WWP2: variants seen among roughly 807,000 people sequenced by gnomAD.
WWP2 encodes NEDD4-like E3 ubiquitin-protein ligase WWP2.
In WWP2, 57 loss-of-function variants were observed where a neutral mutation model predicts 121.0. That is an observed-to-expected ratio of 0.47 (90% CI 0.38 to 0.59). The LOEUF (loss-of-function observed/expected upper bound fraction) is 0.59. Among genes scored for constraint, WWP2 ranks in the 20% least tolerant of loss-of-function variants. The pLI is 0.00. For missense variants in WWP2, 962 were observed against 1,158.9 expected (o/e 0.83, Z 2.47); for synonymous variants, 449 against 441.3 (o/e 1.02, Z -0.22).
At chr16:69,933,774 A>G (rs1290689811) in intron 16 of WWP2, among the ~76,000 whole-genome samples, 196 bp from the exon 17 acceptor site, 1 of 152,022 alleles carries the variant, frequency 6.6e-6, no homozygotes, top group East Asian at 1.9e-4. Flanking sequence ...GCCCTGGTTC[A>G]CTGTAGGTCT....
chr16:69,939,180 A>AG, intron 22 of WWP2, 57 bp downstream of exon 22: 2 of 1,564,278 alleles, frequency 1.3e-6, no homozygotes, highest in Non-Finnish European at 1.7e-6. Context: ...GCTCAGAGGG[A>AG]GGGGGAAACC....
At chr16:69,788,395 A>G (rs1406155615) in intron 2 of WWP2, among the ~76,000 whole-genome samples, 1 of 152,116 alleles carries the variant, frequency 6.6e-6, no homozygotes, top group Admixed American at 6.6e-5. Context: ...ATTTCACAGT[A>G]GAAGCCGAAG....
Position 69,936,491 on chromosome 16 carries a change from C to T in WWP2, c.2117+39C>T, listed in dbSNP as rs201569690. ...GCCGGGGGCTCCGCTCCAGGGGTGG[C>T]GTGGAGATCTAGTGGGTTGCAGAGA... On this transcript the variant is annotated intron_variant, in intron 19 of 23. Transcript: ENST00000359154. The T allele has an allele frequency of 1.1e-4, 182 of 1,611,574 alleles. 1 individual carries two copies. The East Asian group carries it at 2.5e-3, about 23-fold the overall frequency.
chr16:69,812,474 C>A (rs1056836403), intron 4 of WWP2, among the ~76,000 whole-genome samples: 3 of 140,426 alleles, frequency 2.1e-5, no homozygotes, highest in Non-Finnish European at 4.5e-5. Flanking sequence ...CCCAACCCCC[C>A]CCCTTTTTTT....
intron 1 of WWP2, among the ~76,000 whole-genome samples, chr16:69,779,622 A>G (rs552559937): frequency 6.6e-6 from 1 of 152,330 alleles, no homozygotes; most frequent in Admixed American, 6.5e-5. Flanking sequence ...TCTAAGAGTC[A>G]GGACCAAAGG....
intron 6 of WWP2, among the ~76,000 whole-genome samples, chr16:69,860,968 A>AG (rs1402894575): frequency 2.6e-5 from 4 of 152,328 alleles, no homozygotes; most frequent in Admixed American, 2.6e-4. Flanking sequence ...AGATTCAAAC[A>AG]GGGAATGATG....
chr16:69,821,061 G>A (rs866129252), intron 4 of WWP2, among the ~76,000 whole-genome samples: 6 of 152,232 alleles, frequency 3.9e-5, no homozygotes, highest in African/African-American at 7.2e-5. Context: ...TGCCCTGATC[G>A]AGTTGCAGTT....
At chr16:69,818,710 G>A (rs745320438) in intron 4 of WWP2, among the ~76,000 whole-genome samples, 2 of 152,122 alleles carry the variant, frequency 1.3e-5, no homozygotes, top group African/African-American at 2.4e-5. Context: ...GCCACAATCT[G>A]TGGGTTTTCT....
At chr16:69,810,102 A>C (rs2056359841) in intron 4 of WWP2, among the ~76,000 whole-genome samples, 1 of 152,212 alleles carries the variant, frequency 6.6e-6, no homozygotes, top group Non-Finnish European at 1.5e-5. Context: ...TGGTTGCCCT[A>C]ACTGACATTC....
chr16:69,788,327 A>C (rs1161530723), intron 2 of WWP2: 1 of 152,222 alleles, frequency 6.6e-6, no homozygotes, highest in East Asian at 1.9e-4. Context: ...ATGTCTCAGA[A>C]AAAAAAATGT....
chr16:69,816,886 G>C (rs2151838960), intron 4 of WWP2, among the ~76,000 whole-genome samples: 1 of 152,266 alleles, frequency 6.6e-6, no homozygotes, highest in South Asian at 2.1e-4. Context: ...CCCCTTTGAT[G>C]AAGAAATTGA....
At chr16:69,938,958 G>T in intron 21 of WWP2, 69 bp from the exon 22 acceptor site, 2 of 1,443,732 alleles carry the variant, frequency 1.4e-6, no homozygotes, top group South Asian at 2.4e-5. Flanking sequence ...GAGCTAGAGA[G>T]CTCCACGTTC....
chr16:69,849,075 G>C (rs564749497), intron 6 of WWP2, among the ~76,000 whole-genome samples: 1 of 152,132 alleles, frequency 6.6e-6, no homozygotes, highest in Admixed American at 6.5e-5. Context: ...AACCGTCTCC[G>C]GTGAGCTCTA....
intron 7 of WWP2, among the ~76,000 whole-genome samples, chr16:69,885,102 T>TAC (rs3051438): frequency 0.18 from 25,816 of 139,828 alleles, 2,474 homozygotes; most frequent in Non-Finnish European, 0.22. Flanking sequence ...AAACTCCTCC[T>TAC]ACACACACAC....
chr16:69,878,957 A>G (rs1345871357), intron 7 of WWP2, among the ~76,000 whole-genome samples: 2 of 152,206 alleles, frequency 1.3e-5, no homozygotes, highest in Non-Finnish European at 2.9e-5. Flanking sequence ...AAAGTGGTAT[A>G]TGAGGTTTAT....
chr16:69,818,616 C>G (rs936754191), intron 4 of WWP2, among the ~76,000 whole-genome samples: 1 of 152,194 alleles, frequency 6.6e-6, no homozygotes, highest in African/African-American at 2.4e-5. Context: ...GGTCACTTCT[C>G]AAGCTGTAAT....
At chr16:69,854,384 G>T (rs893416827) in intron 6 of WWP2, among the ~76,000 whole-genome samples, 2 of 152,128 alleles carry the variant, frequency 1.3e-5, no homozygotes, top group African/African-American at 4.8e-5. Context: ...TTTCCTTTCG[G>T]ATTCTGTTGG....
At chr16:69,888,308 C>CG (rs1387664957) in intron 8 of WWP2, 59 bp downstream of exon 8, 9 of 1,546,256 alleles carry the variant, frequency 5.8e-6, no homozygotes, top group Non-Finnish European at 7.9e-6. Flanking sequence ...GGCTCCTTTA[C>CG]GGGGGTGGAA....
At chr16:69,803,542 G>C (rs532228377) in intron 4 of WWP2, among the ~76,000 whole-genome samples, 44 of 152,132 alleles carry the variant, frequency 2.9e-4, no homozygotes, top group Admixed American at 1.2e-3. Context: ...TCCATTCATT[G>C]GTTGTTCTAT....
Sources: gnomAD v4.1 joint callset for allele counts (sites outside exome capture counted in the v4.1 genomes callset) on GRCh38, gnomAD v4.1.1 for gene constraint, MANE v1.5 for transcripts, NCBI Gene and HGNC (gene_info 2026-07-23, HGNC 2026-07-21) for gene names.